The following GRIK2 variants were observed in gnomAD, a reference collection of about 807,000 sequenced individuals.
GRIK2 encodes the protein glutamate ionotropic receptor kainate type subunit 2.
Under a neutral mutation model 100.3 loss-of-function variants are expected in GRIK2, and 32 were observed. The observed-to-expected ratio is 0.32, with a 90% confidence interval of 0.24 to 0.43. The LOEUF (loss-of-function observed/expected upper bound fraction) is 0.43, where lower values mean the gene tolerates loss of function less well. Ranked by LOEUF, GRIK2 falls within the 20% of genes least tolerant of loss-of-function variation. The pLI, the probability that GRIK2 is intolerant of heterozygous loss-of-function variation, is 1.00. For missense variants in GRIK2, 843 were observed against 1,114.9 expected, an observed-to-expected ratio of 0.76 and a Z score of 3.47; for synonymous variants, 417 against 389.4, an observed-to-expected ratio of 1.07 and a Z score of -0.83.
intron 14 of GRIK2, among the ~76,000 whole-genome samples, chr6:102,019,519 A>G (rs1002105612): frequency 6.6e-6 from 1 of 152,036 alleles, no homozygotes; most frequent in African/African-American, 2.4e-5. Context: ...CTGCCTTTCC[A>G]GAAAGGAATG....
At chr6:101,647,809 T>C (rs1781601274) in intron 4 of GRIK2, among the ~76,000 whole-genome samples, 1 of 152,056 alleles carries the variant, frequency 6.6e-6, no homozygotes, top group South Asian at 2.1e-4. Context: ...TATGAACTAG[T>C]ATATTAATCA....
At position 101,627,800 on chromosome 6, in the gene GRIK2, G is replaced by A. The variant is rs551574628; in HGVS notation, c.541+1163G>A. On this transcript the variant is annotated intron_variant, in intron 4 of 16. Transcript: ENST00000369134. ...TTTTAATAAATATTTGCTAACTACA[G>A]GTTGTCTGCTTTCTTATGTTAATGC... 1.1e-4 allele frequency among the ~76,000 whole-genome samples: 17 copies of A among 152,144 alleles called. No individual in the cohort carries two copies. In the East Asian group the frequency reaches 3.1e-3, roughly 28 times the overall value.
intron 9 of GRIK2, among the ~76,000 whole-genome samples, chr6:101,811,806 A>G (rs2128418886): frequency 6.6e-6 from 1 of 151,896 alleles, no homozygotes; most frequent in East Asian, 1.9e-4. Context: ...TACAAAACAA[A>G]ATTTGTACTG....
At chr6:101,907,637 G>A (rs902427197) in intron 12 of GRIK2, among the ~76,000 whole-genome samples, 32 of 151,032 alleles carry the variant, frequency 2.1e-4, no homozygotes, top group African/African-American at 7.5e-4. Flanking sequence ...TTTAATACTC[G>A]TAGCTAACAT....
intron 14 of GRIK2, among the ~76,000 whole-genome samples, chr6:101,947,005 C>T (rs1791321827): frequency 6.6e-6 from 1 of 151,886 alleles, no homozygotes; most frequent in South Asian, 2.1e-4. Context: ...ACGTTGCTAC[C>T]TTGTAATATT....
Position 101,889,624 on chromosome 6 carries a change from T to TTTTTTTTTTTTTC in GRIK2, c.1525-15_1525-14insTTTTTTTTTTTCT. The TTTTTTTTTTTTTC allele has an allele frequency of 8.4e-7, 1 of 1,194,992 alleles. No individual in the cohort carries two copies. Among genetic ancestry groups the TTTTTTTTTTTTTC allele is most frequent in the South Asian group, 1.6e-5 (1 of 62,504 alleles). The allele number at this position is 1,194,992 out of a possible 1,614,324, so 74.0% of individuals were successfully genotyped here. On this transcript the variant is annotated splice_polypyrimidine_tract_variant and intron_variant, in intron 11 of 16. Coordinates refer to ENST00000369134, the MANE Select transcript of GRIK2 (RefSeq NM_021956.5). Reference sequence around the variant, plus strand: ...TTCTTTCTTTTTTTTTTTTTTTTGTTTGTTTCTGTCTACAGAAAGCTGACC... The same window carrying TTTTTTTTTTTTTC: ...TTCTTTCTTTTTTTTTTTTTTTTGTTTTTTTTTTTTTTCTGTTTCTGTCTACAGAAAGCTGACC...
intron 9 of GRIK2, among the ~76,000 whole-genome samples, chr6:101,816,552 G>T (rs901449992): frequency 2.6e-5 from 4 of 152,044 alleles, no homozygotes. Flanking sequence ...TTAGCCGAGC[G>T]TGTTGGCGGG....
intron 2 of GRIK2, among the ~76,000 whole-genome samples, chr6:101,558,406 C>T (rs757590641): frequency 2.0e-5 from 3 of 152,056 alleles, no homozygotes; most frequent in Non-Finnish European, 4.4e-5. Flanking sequence ...CAATGTGGGG[C>T]AAAGAGTGGA....
chr6:102,015,098 A>T (rs760985635), intron 14 of GRIK2, among the ~76,000 whole-genome samples: 1 of 152,080 alleles, frequency 6.6e-6, no homozygotes, highest in Non-Finnish European at 1.5e-5. Context: ...GTCTCCAAAA[A>T]CTTGATTTAG....
intron 7 of GRIK2, among the ~76,000 whole-genome samples, chr6:101,695,695 C>G (rs181511918): frequency 1.4e-4 from 22 of 152,054 alleles, no homozygotes; most frequent in Non-Finnish European, 2.4e-4. Flanking sequence ...TTTATAAACC[C>G]ATCATAAGTT....
chr6:101,984,655 A>ACCCC (rs1554186996), intron 14 of GRIK2, among the ~76,000 whole-genome samples: 2 of 148,640 alleles, frequency 1.3e-5, no homozygotes, highest in Non-Finnish European at 3.0e-5. Flanking sequence ...ACACACACAC[A>ACCCC]CCCTTCAACT....
At chr6:101,850,666 C>G (rs577462797) in intron 10 of GRIK2, among the ~76,000 whole-genome samples, 1 of 152,070 alleles carries the variant, frequency 6.6e-6, no homozygotes, top group South Asian at 2.1e-4. Context: ...AACTCCCAGT[C>G]TAATGCAGAT....
chr6:102,041,185 G>A (rs1770549928), intron 15 of GRIK2, among the ~76,000 whole-genome samples: 1 of 151,560 alleles, frequency 6.6e-6, no homozygotes, highest in African/African-American at 2.4e-5. Context: ...GATGAATTGT[G>A]AGCACCACTG....
At chr6:101,952,514 T>G (rs1791661629) in intron 14 of GRIK2, among the ~76,000 whole-genome samples, 1 of 152,174 alleles carries the variant, frequency 6.6e-6, no homozygotes, top group African/African-American at 2.4e-5. Context: ...AAAGCTCTAT[T>G]AAGATGTAAT....
chr6:101,952,903 TG>T (rs1423054283), intron 14 of GRIK2, among the ~76,000 whole-genome samples: 2 of 152,188 alleles, frequency 1.3e-5, no homozygotes, highest in Non-Finnish European at 2.9e-5. Flanking sequence ...TTCAACATTT[TG>T]AAAATAAACC....
chr6:101,998,479 T>C (rs1794761029), intron 14 of GRIK2, among the ~76,000 whole-genome samples: 1 of 152,086 alleles, frequency 6.6e-6, no homozygotes, highest in South Asian at 2.1e-4. Context: ...TAATGAAACC[T>C]GATTTATGTA....
chr6:101,803,201 A>G (rs527893450), intron 9 of GRIK2, among the ~76,000 whole-genome samples: 2 of 152,060 alleles, frequency 1.3e-5, no homozygotes, highest in East Asian at 3.9e-4. Context: ...CTTTGAAGAT[A>G]GTAAGCTATC....
At chr6:101,897,925 G>GT (rs1368219536) in intron 12 of GRIK2, among the ~76,000 whole-genome samples, 1 of 151,724 alleles carries the variant, frequency 6.6e-6, no homozygotes, top group Non-Finnish European at 1.5e-5. Context: ...ATTATTTGGG[G>GT]TAAGAGTCCT....
chr6:101,711,661 G>A (rs1371573650), intron 7 of GRIK2, among the ~76,000 whole-genome samples: 2 of 151,808 alleles, frequency 1.3e-5, no homozygotes, highest in Admixed American at 6.6e-5. Context: ...GAATTTAAAT[G>A]TCACAGAGTG....
Sources: allele counts gnomAD v4.1 joint callset (sites outside exome capture counted in the v4.1 genomes callset), GRCh38; gene constraint gnomAD v4.1.1; transcripts MANE v1.5; gene names NCBI Gene and HGNC (gene_info 2026-07-23, HGNC 2026-07-21).